The following KIF6 variants were observed in gnomAD, a reference collection of about 807,000 sequenced individuals.
The protein encoded by KIF6 is kinesin-like protein KIF6.
KIF6 carries 106 observed loss-of-function variants against 112.7 expected under a neutral mutation model. The observed-to-expected ratio is 0.94, with a 90% CI of 0.80 to 1.11. KIF6 has a LOEUF of 1.11. Among genes scored for constraint, KIF6 ranks in the 50% least tolerant of loss-of-function variants. The pLI is 0.00. For missense variants in KIF6, 929 were observed against 964.0 expected (o/e 0.96, Z 0.48); for synonymous variants, 339 against 339.9 (o/e 1.00, Z 0.03).
intron 16 of KIF6, among the ~76,000 whole-genome samples, chr6:39,383,268 G>A (rs1165243880): frequency 6.6e-6 from 1 of 151,992 alleles, no homozygotes; most frequent in Non-Finnish European, 1.5e-5. Flanking sequence ...GTATATCCTA[G>A]GTTTTCTTCT....
At chr6:39,349,518 G>A (rs1391092400) in intron 19 of KIF6, among the ~76,000 whole-genome samples, 1 of 151,834 alleles carries the variant, frequency 6.6e-6, no homozygotes, top group Non-Finnish European at 1.5e-5. Flanking sequence ...AGGGATGGGA[G>A]AAGAGGCGAG....
intron 22 of KIF6, among the ~76,000 whole-genome samples, chr6:39,337,220 T>TTTCTTTCC (rs1763062125): frequency 8.9e-6 from 1 of 111,982 alleles, no homozygotes; most frequent in African/African-American, 5.8e-5. Context: ...TCTTTCTTTC[T>TTTCTTTCC]TTCTTTCTTT....
chr6:39,713,184 T>C (rs1385050106), intron 3 of KIF6, among the ~76,000 whole-genome samples: 1 of 152,180 alleles, frequency 6.6e-6, no homozygotes, highest in Non-Finnish European at 1.5e-5. Context: ...CAATTAAAGC[T>C]GCATAAATTA....
chr6:39,644,800 A>G (rs1206404006), intron 3 of KIF6, among the ~76,000 whole-genome samples: 1 of 152,206 alleles, frequency 6.6e-6, no homozygotes, highest in Non-Finnish European at 1.5e-5. Context: ...TTTAAAGAGT[A>G]AATGTTTTAG....
rs1012323788 is a variant in KIF6, at chr6:39,723,479, T to A, written c.66+1766A>T. Among the ~76,000 whole-genome samples the A allele has an allele frequency of 2.6e-5, 4 of 152,136 alleles. No individual in the cohort carries two copies. The East Asian group carries it at 5.8e-4, about 22-fold the overall frequency. ...TCTGCTGTTCACAATAGCAAAGACA[T>A]AGAACCAATCTAAATGCCCATCAGT... On this transcript the variant is annotated intron_variant, in intron 1 of 22. Transcript: ENST00000287152.
chr6:39,639,513 G>A, intron 4 of KIF6, 97 bp downstream of exon 4: 1 of 1,001,168 alleles, frequency 1.0e-6, no homozygotes. Context: ...TTATCATTTA[G>A]ACACAATAAA....
intron 13 of KIF6, among the ~76,000 whole-genome samples, chr6:39,512,142 C>T (rs1279214841): frequency 6.6e-6 from 1 of 152,168 alleles, no homozygotes; most frequent in African/African-American, 2.4e-5. Context: ...GGGAATGGTT[C>T]CAGAGGCTGC....
At chr6:39,706,813 T>C (rs1789238699) in intron 3 of KIF6, among the ~76,000 whole-genome samples, 1 of 152,210 alleles carries the variant, frequency 6.6e-6, no homozygotes, top group Admixed American at 6.5e-5. Context: ...ACTGGTGTTT[T>C]TGTGAATTTC....
rs936380807 is a variant in KIF6, at chr6:39,342,751, A to G, written c.2428+958T>C. On this transcript the variant is annotated intron_variant, in intron 22 of 22. Transcript: ENST00000287152. This position sits in a 1 kb window ranked among gnomAD's most constrained non-coding sequence, Gnocchi z 4.7. ...CTGGTCCTGGTGGTGAAGAGAGGAT[A>G]GTAAATAAGCAGGCTGGCGGCCAAG... 2 of 978,210 alleles carry G rather than the reference A, an allele frequency of 2.0e-6. No homozygotes were observed. Among genetic ancestry groups the G allele is most frequent in the Non-Finnish European group, 2.4e-6 (2 of 823,618 alleles). 60.6% of individuals were successfully genotyped at this position (978,210 alleles called of 1,614,324 possible). A position where few individuals can be genotyped will look rare whatever the true frequency, so the allele number is the denominator to read the frequency against.
chr6:39,477,493 G>T (rs1774503561), intron 13 of KIF6, among the ~76,000 whole-genome samples: 1 of 152,252 alleles, frequency 6.6e-6, no homozygotes, highest in African/African-American at 2.4e-5. Flanking sequence ...ACGATAAGGG[G>T]CTGGTTCTCT....
intron 3 of KIF6, among the ~76,000 whole-genome samples, chr6:39,703,531 AT>A (rs1789008103): frequency 6.6e-6 from 1 of 152,200 alleles, no homozygotes; most frequent in African/African-American, 2.4e-5. Flanking sequence ...AATAATATAT[AT>A]TCTTAGTGTT....
chr6:39,598,839 G>A (rs1582236694), intron 6 of KIF6, among the ~76,000 whole-genome samples: 1 of 151,868 alleles, frequency 6.6e-6, no homozygotes. Context: ...AGAATGCTGG[G>A]AAAAAATAGC....
chr6:39,703,087 C>CGCCA (rs1554151206), intron 3 of KIF6, among the ~76,000 whole-genome samples: 2 of 76,592 alleles, frequency 2.6e-5, no homozygotes, highest in African/African-American at 8.6e-5. Flanking sequence ...CCCCCACCCC[C>CGCCA]ACTCCCGGCC....
rs559048013 is a variant in KIF6, at chr6:39,701,466, C to T, written c.251+13226G>A. Among the ~76,000 whole-genome samples the T allele has an allele frequency of 1.2e-4, 19 of 152,362 alleles. No individual in the cohort carries two copies. The South Asian group carries it at 3.7e-3, about 30-fold the overall frequency. The stretch of plus-strand genomic sequence containing the variant: ...GCTGCTCTGTGCCCGAGCCTGCCTG[C>T]GCACAAACTGCTGCTGGAGCATAAC... On this transcript the variant is annotated intron_variant, in intron 3 of 22. Coordinates refer to ENST00000287152, the MANE Select transcript of KIF6 (RefSeq NM_145027.6).
chr6:39,638,539 T>G (rs542168838), intron 4 of KIF6, among the ~76,000 whole-genome samples: 2 of 152,154 alleles, frequency 1.3e-5, no homozygotes, highest in African/African-American at 4.8e-5. Context: ...TTTTCTGGCA[T>G]GCAAAGCTGG....
chr6:39,536,148 A>G (rs1284829125), intron 13 of KIF6, among the ~76,000 whole-genome samples: 1 of 151,446 alleles, frequency 6.6e-6, no homozygotes, highest in Non-Finnish European at 1.5e-5. Context: ...ATCACAATTA[A>G]AAGAACTAGA....
At chr6:39,651,644 ACCTT>A (rs1785477315) in intron 3 of KIF6, among the ~76,000 whole-genome samples, 1 of 152,126 alleles carries the variant, frequency 6.6e-6, no homozygotes, top group Non-Finnish European at 1.5e-5. Flanking sequence ...GCCAAATAAG[ACCTT>A]ATTTGACTTC....
chr6:39,708,396 A>C (rs554569674), intron 3 of KIF6, among the ~76,000 whole-genome samples: 115 of 152,334 alleles, frequency 7.5e-4, no homozygotes, highest in African/African-American at 2.7e-3. Flanking sequence ...AATGTTCATC[A>C]CTGGTGAAAT....
chr6:39,719,129 G>A (rs1189576309), intron 2 of KIF6, among the ~76,000 whole-genome samples: 1 of 152,168 alleles, frequency 6.6e-6, no homozygotes, highest in Non-Finnish European at 1.5e-5. Context: ...GACCAGCCTG[G>A]CCCACATGGT....
Sources: allele counts gnomAD v4.1 joint callset (sites outside exome capture counted in the v4.1 genomes callset), GRCh38; gene constraint gnomAD v4.1.1; non-coding constraint Gnocchi (gnomAD v3.1); transcripts MANE v1.5; gene names NCBI Gene and HGNC (gene_info 2026-07-23, HGNC 2026-07-21).